PEAK1: variants seen among roughly 807,000 people sequenced by gnomAD.
PEAK1 encodes pseudopodium enriched atypical kinase 1, also known as inactive tyrosine-protein kinase PEAK1.
PEAK1 carries 54 observed loss-of-function variants against 124.7 expected under a neutral mutation model. The ratio of observed to expected loss-of-function variants is 0.43; its 90% CI spans 0.35 to 0.54. The LOEUF is 0.54. Among genes scored for constraint, PEAK1 ranks in the 20% least tolerant of loss-of-function variants. The pLI is 0.01. For missense variants in PEAK1, 2,046 were observed against 2,134.5 expected, an observed-to-expected ratio of 0.96 and a Z score of 0.82; for synonymous variants, 719 against 760.0, an observed-to-expected ratio of 0.95 and a Z score of 0.89.
chr15:77,268,259 G>C (rs948144649), intron 5 of PEAK1, among the ~76,000 whole-genome samples: 1 of 152,222 alleles, frequency 6.6e-6, no homozygotes, highest in African/African-American at 2.4e-5. Context: ...CAGATCACTT[G>C]ATGTCAGGAG....
rs577511345 is a variant in PEAK1 at position 77,133,688 on chromosome 15, C to A, written c.3394G>T (p.Asp1132Tyr). The A allele has an allele frequency of 1.0e-4, 163 of 1,613,872 alleles. No homozygotes were observed. Among genetic ancestry groups the A allele is most frequent in the Admixed American group, 1.8e-4 (11 of 59,990 alleles). ...QPRQPKGAVD[D>Y]AIAFGGKTDQ... ...GTTTTCCCTCCAAAGGCGATGGCAT[C>A]GTCCACAGCTCCCTTGGGCTGTCGT... Residue 1132 changes from aspartate (D) to tyrosine (Y), a missense_variant, in exon 9 of 10, where the codon GAT (aspartate) becomes TAT (tyrosine). Physicochemically the swap from Asp to Tyr is radical, Grantham distance 160. Transcript: ENST00000682557. The surrounding 1 kb of genome is among the most constrained non-coding windows in gnomAD (Gnocchi z 4.2).
chr15:77,360,770 T>G (rs1346039687), intron 2 of PEAK1, among the ~76,000 whole-genome samples: 2 of 151,784 alleles, frequency 1.3e-5, no homozygotes, highest in Non-Finnish European at 2.9e-5. Context: ...TACATTTATA[T>G]TATATGTAAT....
chr15:77,229,678 GCT>G (rs896556835), intron 6 of PEAK1, among the ~76,000 whole-genome samples: 2 of 134,178 alleles, frequency 1.5e-5, no homozygotes, highest in African/African-American at 5.6e-5. Flanking sequence ...ATGTAGTTTC[GCT>G]CTTTTTGCCC....
intron 6 of PEAK1, among the ~76,000 whole-genome samples, chr15:77,184,742 CAA>C (rs1222162659): frequency 6.6e-6 from 1 of 152,064 alleles, no homozygotes; most frequent in Non-Finnish European, 1.5e-5. Context: ...ACCAAAAATA[CAA>C]AAATTAGCCA....
intron 6 of PEAK1, among the ~76,000 whole-genome samples, chr15:77,225,013 C>T (rs2059567709): frequency 6.6e-6 from 1 of 151,994 alleles, no homozygotes; most frequent in African/African-American, 2.4e-5. Context: ...CAATTAATTT[C>T]ATCATGTGAC....
intron 2 of PEAK1, among the ~76,000 whole-genome samples, chr15:77,341,595 C>T (rs951294760): frequency 1.3e-5 from 2 of 152,068 alleles, no homozygotes; most frequent in East Asian, 3.9e-4. Context: ...ATTAGCCACA[C>T]GACTGGACTC....
intron 2 of PEAK1, chr15:77,335,471 C>T: frequency 1.0e-6 from 1 of 985,290 alleles, no homozygotes; most frequent in Non-Finnish European, 1.2e-6. Context: ...CACTATACAT[C>T]ACGTTGATGC....
At chr15:77,250,233 G>GTA (rs1324080099) in intron 6 of PEAK1, among the ~76,000 whole-genome samples, 2 of 102,972 alleles carry the variant, frequency 1.9e-5, no homozygotes, top group East Asian at 2.2e-4. Context: ...ACATATATAT[G>GTA]TATATGTATA....
chr15:77,254,501 C>T (rs139315573), intron 5 of PEAK1, among the ~76,000 whole-genome samples: 2,358 of 152,050 alleles, frequency 0.016, 29 homozygotes, highest in Middle Eastern at 0.031. Context: ...GGCATGATCA[C>T]GGCTCACTGC....
intron 6 of PEAK1, among the ~76,000 whole-genome samples, chr15:77,220,133 T>C (rs1299922586): frequency 6.6e-6 from 1 of 152,036 alleles, no homozygotes; most frequent in Non-Finnish European, 1.5e-5. Context: ...AATTAGCTAG[T>C]AGATAAAAGA....
chr15:77,160,464 T>G (rs762077467), intron 7 of PEAK1, among the ~76,000 whole-genome samples: 1,599 of 151,810 alleles, frequency 0.011, 17 homozygotes, highest in Middle Eastern at 0.041. Context: ...GATCACGAGG[T>G]CAAGAGATGG....
chr15:77,306,087 G>A (rs1157078153), intron 2 of PEAK1, among the ~76,000 whole-genome samples: 1 of 152,146 alleles, frequency 6.6e-6, no homozygotes, highest in Non-Finnish European at 1.5e-5. Flanking sequence ...TACACTGTAG[G>A]TTATTCTTAC....
intron 8 of PEAK1, among the ~76,000 whole-genome samples, chr15:77,149,502 G>A (rs2054420251): frequency 1.3e-5 from 2 of 152,212 alleles, no homozygotes; most frequent in South Asian, 4.1e-4. Flanking sequence ...ATTACTGAAA[G>A]GAGTAGTTTA....
intron 5 of PEAK1, among the ~76,000 whole-genome samples, chr15:77,276,288 C>T (rs913319095): frequency 6.6e-6 from 1 of 152,144 alleles, no homozygotes; most frequent in Non-Finnish European, 1.5e-5. Context: ...GGCCAAAACA[C>T]ATCAAAGTCA....
intron 2 of PEAK1, chr15:77,336,467 A>T (rs149129163): frequency 5.1e-6 from 5 of 985,442 alleles, no homozygotes; most frequent in Non-Finnish European, 6.0e-6. Context: ...ACACATAAAT[A>T]ATTTGGCCGT....
intron 2 of PEAK1, chr15:77,355,751 A>T (rs1229411713): frequency 3.0e-6 from 3 of 984,834 alleles, no homozygotes; most frequent in Non-Finnish European, 3.6e-6. Flanking sequence ...GTAATTACGT[A>T]AATCAGGTCT....
rs1157227612 is a variant in PEAK1 at position 77,403,333 on chromosome 15, A to G, written c.-666+16673T>C. ...TGCTAAACATGTTTTAAAATAAGAT[A>G]GTAACATATTTTTAGAAATATATTT... is the stretch of plus-strand genomic sequence containing the variant. On this transcript the variant is annotated intron_variant, in intron 1 of 9. Coordinates refer to ENST00000682557, the MANE Select transcript of PEAK1 (RefSeq NM_001385026.1). 3 of 940,494 alleles carry G rather than the reference A, an allele frequency of 3.2e-6. No homozygotes were observed. In the African/African-American group the frequency reaches 5.3e-5, roughly 17 times the overall value. 58.3% of individuals were successfully genotyped at this position (940,494 alleles called of 1,614,324 possible).
chr15:77,162,158 G>GA (rs1188828787), intron 7 of PEAK1, among the ~76,000 whole-genome samples: 1 of 151,738 alleles, frequency 6.6e-6, no homozygotes, highest in Non-Finnish European at 1.5e-5. Context: ...AGAAAAAAAG[G>GA]AAAATCTCTG....
At chr15:77,295,558 T>C (rs760901517) in intron 2 of PEAK1, among the ~76,000 whole-genome samples, 1 of 152,196 alleles carries the variant, frequency 6.6e-6, no homozygotes, top group Non-Finnish European at 1.5e-5. Flanking sequence ...CTCTTTTCCA[T>C]GTAGGTTACC....
Sources: gnomAD v4.1 joint callset for allele counts (sites outside exome capture counted in the v4.1 genomes callset) on GRCh38, gnomAD v4.1.1 for gene constraint, Gnocchi (gnomAD v3.1) non-coding constraint, MANE v1.5 for transcripts, NCBI Gene and HGNC (gene_info 2026-07-23, HGNC 2026-07-21) for gene names.